Variants in ZNF676 observed in about 807,000 individuals in gnomAD.
ZNF676 encodes zinc finger protein 676.
ZNF676 carries 4 observed loss-of-function variants against 6.0 expected under a neutral mutation model. The observed-to-expected ratio is 0.67, with a 90% CI of 0.33 to 1.53. The LOEUF (loss-of-function observed/expected upper bound fraction) is 1.53, where lower values mean the gene tolerates loss of function less well. Among genes scored for constraint, ZNF676 ranks in the 40% most tolerant of loss-of-function variants. The pLI, the probability that ZNF676 is intolerant of heterozygous loss-of-function variation, is 0.06. For synonymous variants in ZNF676, 198 were observed against 223.1 expected, an observed-to-expected ratio of 0.89 and a Z score of 1.00; for missense variants, 644 against 679.7, an observed-to-expected ratio of 0.95 and a Z score of 0.58.
intron 2 of ZNF676, among the ~76,000 whole-genome samples, chr19:22,185,910 G>T (rs1206161316): frequency 2.0e-5 from 3 of 152,010 alleles, no homozygotes; most frequent in Non-Finnish European, 1.5e-5. Context: ...TTTGATTGGG[G>T]TACCTGAAAG....
the ZNF676 span, among the ~76,000 whole-genome samples, chr19:22,237,824 G>A: frequency 6.6e-6 from 1 of 152,148 alleles, no homozygotes; most frequent in Non-Finnish European, 1.5e-5. Flanking sequence ...CCCATTCCAA[G>A]TGGCAGGGTC....
At chr19:22,228,211 A>G in the ZNF676 span, among the ~76,000 whole-genome samples, 2 of 152,188 alleles carry the variant, frequency 1.3e-5, no homozygotes, top group Non-Finnish European at 2.9e-5. Flanking sequence ...TACACAAATC[A>G]ATAAACGTAA....
chr19:22,213,636 G>A (rs528480108), intron 1 of ZNF676, among the ~76,000 whole-genome samples: 18 of 148,704 alleles, frequency 1.2e-4, no homozygotes, highest in African/African-American at 4.5e-4. Flanking sequence ...TGTCTTATGG[G>A]AGATGAGAGG....
chr19:22,204,687 G>A (rs908983278), intron 1 of ZNF676, among the ~76,000 whole-genome samples: 32 of 152,068 alleles, frequency 2.1e-4, no homozygotes, highest in Non-Finnish European at 3.8e-4. Context: ...AAATTAATCC[G>A]ATCTTTGTGC....
chr19:22,199,327 AT>A (rs1304825754), upstream of ZNF676, among the ~76,000 whole-genome samples: 1 of 152,230 alleles, frequency 6.6e-6, no homozygotes, highest in Non-Finnish European at 1.5e-5. Flanking sequence ...AATGAAAACA[AT>A]CATTCTTCAT....
the ZNF676 span, among the ~76,000 whole-genome samples, chr19:22,241,517 T>A: frequency 1.3e-5 from 2 of 151,872 alleles, no homozygotes; most frequent in African/African-American, 4.9e-5. Context: ...GAGCCTCAAC[T>A]GTGGTCTGTG....
intron 1 of ZNF676, among the ~76,000 whole-genome samples, chr19:22,194,877 C>T (rs1451637603): frequency 1.3e-5 from 2 of 152,076 alleles, no homozygotes; most frequent in Non-Finnish European, 2.9e-5. Flanking sequence ...TTAGATCTCC[C>T]AGTCAGAGAA....
intron 2 of ZNF676, among the ~76,000 whole-genome samples, chr19:22,189,105 ATAC>A (rs1427518646): frequency 6.6e-6 from 1 of 152,206 alleles, no homozygotes; most frequent in African/African-American, 2.4e-5. Context: ...ACTTCAAATT[ATAC>A]TACAAGGCTA....
intron 2 of ZNF676, among the ~76,000 whole-genome samples, chr19:22,186,496 A>T (rs1331075975): frequency 6.6e-6 from 1 of 152,210 alleles, no homozygotes; most frequent in Non-Finnish European, 1.5e-5. Context: ...ATAACCAGCT[A>T]GCATCATAAT....
intron 1 of ZNF676, among the ~76,000 whole-genome samples, chr19:22,214,647 A>G (rs990028902): frequency 7.3e-5 from 11 of 150,850 alleles, no homozygotes; most frequent in Non-Finnish European, 1.0e-4. Context: ...TTTTTAAATT[A>G]CTACATTGGG....
chr19:22,258,948 C>T, the ZNF676 span, among the ~76,000 whole-genome samples: 1,136 of 152,186 alleles, frequency 7.5e-3, 1 homozygote, highest in African/African-American at 0.025. Context: ...CAACTGGGGA[C>T]TTTATCTCTG....
chr19:22,247,564 C>CA, the ZNF676 span, among the ~76,000 whole-genome samples: 310 of 133,850 alleles, frequency 2.3e-3, 1 homozygote, highest in Admixed American at 4.4e-3. Context: ...AACTCTGGCT[C>CA]AAAAAAAAAA....
At chr19:22,244,872 T>C in the ZNF676 span, 2 of 152,208 alleles carry the variant, frequency 1.3e-5, no homozygotes, top group African/African-American at 2.4e-5. Flanking sequence ...AAAATATGCA[T>C]GGCTCAGCAA....
chr19:22,244,585 C>T, the ZNF676 span: 2 of 152,130 alleles, frequency 1.3e-5, no homozygotes, highest in African/African-American at 4.8e-5. Context: ...AAGCAGGGCA[C>T]AGGCAGAAGG....
the ZNF676 span, among the ~76,000 whole-genome samples, chr19:22,257,207 G>C: frequency 6.6e-6 from 1 of 152,128 alleles, no homozygotes; most frequent in Non-Finnish European, 1.5e-5. Flanking sequence ...AGTGGACTAG[G>C]CCCAGGCTGG....
the ZNF676 span, among the ~76,000 whole-genome samples, chr19:22,230,304 T>C: frequency 6.6e-6 from 1 of 151,966 alleles, no homozygotes; most frequent in African/African-American, 2.4e-5. Context: ...ACAATGAGAA[T>C]GCATGGACAC....
At chr19:22,237,431 T>G in the ZNF676 span, among the ~76,000 whole-genome samples, 2 of 149,040 alleles carry the variant, frequency 1.3e-5, no homozygotes, top group Non-Finnish European at 3.0e-5. Context: ...TCTCCAGATA[T>G]CTGTTTATAT....
At chr19:22,244,151 C>T in the ZNF676 span, 1 of 150,772 alleles carries the variant, frequency 6.6e-6, no homozygotes, top group Non-Finnish European at 1.5e-5. Context: ...TCAAGTGATT[C>T]TCCCACCTCA....
chr19:22,190,382 T>C (rs116865559), intron 2 of ZNF676, among the ~76,000 whole-genome samples: 1 of 151,418 alleles, frequency 6.6e-6, no homozygotes, highest in African/African-American at 2.4e-5. Context: ...TCCTGCTCAA[T>C]GTAATCTACA....
Sources: gnomAD v4.1 joint callset for allele counts (sites outside exome capture counted in the v4.1 genomes callset) on GRCh38, gnomAD v4.1.1 for gene constraint, MANE v1.5 for transcripts, NCBI Gene and HGNC (gene_info 2026-07-23, HGNC 2026-07-21) for gene names.